CTIF: variants seen among roughly 807,000 people sequenced by gnomAD.
The protein encoded by CTIF is CBP80/20-dependent translation initiation factor.
A neutral mutation model predicts 66.0 loss-of-function variants in CTIF; 21 were observed. The observed-to-expected ratio is 0.32, with a 90% CI of 0.23 to 0.46. The LOEUF (loss-of-function observed/expected upper bound fraction) is 0.46. Among genes scored for constraint, CTIF ranks in the 20% least tolerant of loss-of-function variants. The pLI is 1.00. For synonymous variants in CTIF, 345 were observed against 326.4 expected (o/e 1.06, Z -0.62); for missense variants, 739 against 812.7 (o/e 0.91, Z 1.10).
At chr18:48,639,912 C>T (rs1598785872) in intron 3 of CTIF, among the ~76,000 whole-genome samples, 1 of 152,188 alleles carries the variant, frequency 6.6e-6, no homozygotes, top group African/African-American at 2.4e-5. Context: ...CACGAAGCAG[C>T]CATCTCCTGT....
At chr18:48,771,528 C>T (rs753372755) in intron 9 of CTIF, among the ~76,000 whole-genome samples, 32 of 152,226 alleles carry the variant, frequency 2.1e-4, no homozygotes, top group Non-Finnish European at 3.5e-4. Context: ...CTTGCCAGAC[C>T]GTGTCCCCTT....
intron 1 of CTIF, among the ~76,000 whole-genome samples, chr18:48,603,399 G>GGATGGATGGA (rs2090137666): frequency 1.5e-5 from 1 of 68,104 alleles, no homozygotes; most frequent in African/African-American, 1.2e-4. Flanking sequence ...GGATGGATAT[G>GGATGGATGGA]TGAATGAGTG....
At chr18:48,598,423 C>A (rs1035504783) in intron 1 of CTIF, among the ~76,000 whole-genome samples, 1 of 152,190 alleles carries the variant, frequency 6.6e-6, no homozygotes, top group African/African-American at 2.4e-5. Flanking sequence ...AAGGTAGCAC[C>A]TTCCAAGGAT....
At chr18:48,638,024 C>T (rs941212804) in intron 3 of CTIF, among the ~76,000 whole-genome samples, 2 of 152,080 alleles carry the variant, frequency 1.3e-5, no homozygotes, top group Non-Finnish European at 2.9e-5. Context: ...GGCACTGCTA[C>T]CTTGCCCAAC....
At chr18:48,741,273 T>TC (rs2092550342) in intron 7 of CTIF, among the ~76,000 whole-genome samples, 1 of 103,758 alleles carries the variant, frequency 9.6e-6, no homozygotes, top group Admixed American at 1.0e-4. Flanking sequence ...CTCTTTACTC[T>TC]GCCCCCGCCC....
At chr18:48,816,593 A>G (rs2068368350) in intron 9 of CTIF, among the ~76,000 whole-genome samples, 1 of 152,202 alleles carries the variant, frequency 6.6e-6, no homozygotes, top group Non-Finnish European at 1.5e-5. Flanking sequence ...TGATGAATGA[A>G]TATGTCTTAT....
chr18:48,562,240 TTA>T (rs1159946383), intron 1 of CTIF, among the ~76,000 whole-genome samples: 4 of 152,350 alleles, frequency 2.6e-5, no homozygotes, highest in African/African-American at 7.2e-5. Flanking sequence ...TATGAAAACA[TTA>T]TGAGATGAGC....
chr18:48,758,582 A>G (rs1338120215), intron 8 of CTIF, among the ~76,000 whole-genome samples, 177 bp downstream of exon 8: 2 of 152,090 alleles, frequency 1.3e-5, no homozygotes, highest in African/African-American at 4.8e-5. Context: ...CACCACTGCC[A>G]GCAGGTAGGG....
chr18:48,691,064 G>A (rs891285427), intron 6 of CTIF, among the ~76,000 whole-genome samples: 5 of 152,070 alleles, frequency 3.3e-5, no homozygotes, highest in African/African-American at 4.8e-5. Context: ...TTCTTCCTTC[G>A]GTATTTTTAT....
intron 2 of CTIF, among the ~76,000 whole-genome samples, chr18:48,622,610 C>CT (rs1214307201): frequency 9.2e-5 from 14 of 152,166 alleles, no homozygotes; most frequent in Middle Eastern, 3.4e-3. Flanking sequence ...TTGCATAATC[C>CT]TTTTTTTAAT....
At chr18:48,676,676 A>C (rs535411505) in intron 6 of CTIF, among the ~76,000 whole-genome samples, 1 of 151,960 alleles carries the variant, frequency 6.6e-6, no homozygotes, top group Non-Finnish European at 1.5e-5. Flanking sequence ...GAGGGTCCCC[A>C]GAAGGCTCAG....
chr18:48,706,065 G>A (rs915825129), intron 6 of CTIF, among the ~76,000 whole-genome samples: 19 of 152,164 alleles, frequency 1.2e-4, no homozygotes, highest in African/African-American at 3.9e-4. Context: ...GTGGATGGAT[G>A]GGGGCATGGG....
chr18:48,792,283 G>A lies in CTIF; in HGVS notation c.1372-24938G>A, dbSNP rs555098505. ...AGTGTGCCTGCCCCATGGGAGAACT[G>A]CAAGAAGTCCAGGTCAGGGGGGTGG... On this transcript the variant is annotated intron_variant, in intron 9 of 11. Coordinates refer to ENST00000256413, the MANE Select transcript of CTIF (RefSeq NM_014772.3). Among the ~76,000 whole-genome samples the A allele has an allele frequency of 5.3e-5, 8 of 151,790 alleles. No homozygotes were observed. In the East Asian group the frequency reaches 1.6e-3, roughly 30 times the overall value.
chr18:48,715,588 G>A (rs919290019), intron 7 of CTIF, among the ~76,000 whole-genome samples: 1 of 152,028 alleles, frequency 6.6e-6, no homozygotes, highest in Non-Finnish European at 1.5e-5. Flanking sequence ...CTGGAGACCC[G>A]GCGCACTGCC....
chr18:48,544,402 G>C (rs1016192132), intron 1 of CTIF, among the ~76,000 whole-genome samples: 2 of 152,364 alleles, frequency 1.3e-5, no homozygotes, highest in Non-Finnish European at 2.9e-5. Context: ...GCAGGGATAT[G>C]AACCCTGACT....
chr18:48,757,831 A>G (rs1908541336), intron 7 of CTIF, 88 bp from the exon 8 acceptor site: 13 of 1,494,214 alleles, frequency 8.7e-6, no homozygotes, highest in Non-Finnish European at 1.2e-5. Context: ...GGACAAGGCA[A>G]TGACTTCCTG....
intron 1 of CTIF, among the ~76,000 whole-genome samples, chr18:48,555,420 G>A (rs972203189): frequency 3.3e-5 from 5 of 152,238 alleles, no homozygotes; most frequent in African/African-American, 1.2e-4. Context: ...TCAGAAGCTG[G>A]TGAGATTATT....
At chr18:48,587,873 C>T (rs1051489232) in intron 1 of CTIF, among the ~76,000 whole-genome samples, 1 of 152,164 alleles carries the variant, frequency 6.6e-6, no homozygotes, top group Non-Finnish European at 1.5e-5. Flanking sequence ...TGCTGTTTTA[C>T]GTGTGTCTGA....
intron 9 of CTIF, among the ~76,000 whole-genome samples, chr18:48,780,649 T>C (rs1911117420): frequency 6.6e-6 from 1 of 152,198 alleles, no homozygotes; most frequent in Non-Finnish European, 1.5e-5. Flanking sequence ...TCATGTAGCA[T>C]GCATCAAGAT....
Sources: gnomAD v4.1 joint callset for allele counts (sites outside exome capture counted in the v4.1 genomes callset) on GRCh38, gnomAD v4.1.1 for gene constraint, MANE v1.5 for transcripts, NCBI Gene and HGNC (gene_info 2026-07-23, HGNC 2026-07-21) for gene names.